Variants in RAD51B observed in about 807,000 individuals in gnomAD.
RAD51B encodes the protein DNA repair protein RAD51 homolog 2.
Under a neutral mutation model 42.2 loss-of-function variants are expected in RAD51B, and 38 were observed. The observed-to-expected ratio is 0.90, with a 90% CI of 0.70 to 1.18. The LOEUF (loss-of-function observed/expected upper bound fraction) is 1.18. Ranked by LOEUF, RAD51B falls within the 50% of genes most tolerant of loss-of-function variation. RAD51B has a pLI of 0.00. For missense variants in RAD51B, 373 were observed against 400.7 expected (o/e 0.93, Z 0.59); for synonymous variants, 154 against 145.2 (o/e 1.06, Z -0.43).
intron 10 of RAD51B, among the ~76,000 whole-genome samples, chr14:68,472,614 A>G (rs1225271068): frequency 6.6e-6 from 1 of 152,210 alleles, no homozygotes; most frequent in Admixed American, 6.5e-5. Context: ...GTAAGACAGA[A>G]GTGTGTTTTT....
chr14:67,848,521 G>T (rs193037467), intron 4 of RAD51B, among the ~76,000 whole-genome samples: 5 of 152,152 alleles, frequency 3.3e-5, no homozygotes, highest in African/African-American at 7.2e-5. Flanking sequence ...GTTGAGTCTT[G>T]TCTTTTTTTT....
intron 11 of RAD51B, among the ~76,000 whole-genome samples, chr14:68,681,002 A>G (rs2140163871): frequency 6.6e-6 from 1 of 152,260 alleles, no homozygotes; most frequent in African/African-American, 2.4e-5. Flanking sequence ...TGGTCAGCCC[A>G]GGAGAGGCTA....
At chr14:68,158,767 G>A (rs1013177637) in intron 7 of RAD51B, among the ~76,000 whole-genome samples, 11 of 152,078 alleles carry the variant, frequency 7.2e-5, no homozygotes, top group Admixed American at 2.0e-4. Flanking sequence ...CATTTGATCC[G>A]GCCTGAATAA....
chr14:67,938,032 G>A (rs943258451), intron 7 of RAD51B, among the ~76,000 whole-genome samples: 3 of 152,150 alleles, frequency 2.0e-5, no homozygotes, highest in Non-Finnish European at 4.4e-5. Context: ...AGGCTTTTCA[G>A]CTGGATTATG....
intron 10 of RAD51B, among the ~76,000 whole-genome samples, chr14:68,556,660 T>A (rs1362288972): frequency 6.6e-6 from 1 of 152,202 alleles, no homozygotes; most frequent in Admixed American, 6.5e-5. Context: ...AACCCCTGCA[T>A]GGCCTCTCAG....
chr14:68,442,709 G>A (rs111696308), intron 9 of RAD51B, among the ~76,000 whole-genome samples: 16 of 152,004 alleles, frequency 1.1e-4, no homozygotes, highest in African/African-American at 3.9e-4. Flanking sequence ...AAAGTGCTGG[G>A]ATTACAGGCA....
chr14:68,177,211 TC>T (rs1230016015), intron 7 of RAD51B, among the ~76,000 whole-genome samples: 1 of 152,230 alleles, frequency 6.6e-6, no homozygotes, highest in Non-Finnish European at 1.5e-5. Flanking sequence ...AGTGATGTTT[TC>T]CTCTAAAACT....
intron 11 of RAD51B, among the ~76,000 whole-genome samples, chr14:68,657,354 A>AT (rs1381060415): frequency 6.6e-6 from 1 of 152,124 alleles, no homozygotes; most frequent in Non-Finnish European, 1.5e-5. Flanking sequence ...ATTTAACAAA[A>AT]TTTTTTTGTA....
chr14:68,566,876 T>A (rs1194087878), intron 10 of RAD51B, among the ~76,000 whole-genome samples: 1 of 152,178 alleles, frequency 6.6e-6, no homozygotes, highest in African/African-American at 2.4e-5. Context: ...TACTCTTCAA[T>A]GCATTCTCTC....
chr14:68,662,850 T>A (rs1892960777), intron 11 of RAD51B, among the ~76,000 whole-genome samples: 1 of 152,202 alleles, frequency 6.6e-6, no homozygotes, highest in Non-Finnish European at 1.5e-5. Context: ...ACGTGTTAAT[T>A]CATTATGCTG....
intron 5 of RAD51B, among the ~76,000 whole-genome samples, chr14:67,868,494 C>A (rs904859965): frequency 1.7e-4 from 26 of 152,374 alleles, no homozygotes; most frequent in African/African-American, 6.0e-4. Context: ...TGCAAGGCGG[C>A]AGCGAGGCTC....
intron 7 of RAD51B, among the ~76,000 whole-genome samples, chr14:67,931,231 AT>A (rs2044721834): frequency 6.6e-6 from 1 of 151,978 alleles, no homozygotes; most frequent in Admixed American, 6.5e-5. Context: ...TGGCTGGGTT[AT>A]TTCAAAAGGC....
At chr14:68,161,696 G>A (rs2588821) in intron 7 of RAD51B, among the ~76,000 whole-genome samples, 120,468 of 152,172 alleles carry the variant, frequency 0.79, 48,227 homozygotes, top group East Asian at 0.98. Flanking sequence ...GAATTTTCAC[G>A]AGGCTGCATA....
At chr14:68,578,899 G>A (rs1176147246) in intron 10 of RAD51B, among the ~76,000 whole-genome samples, 1 of 152,192 alleles carries the variant, frequency 6.6e-6, no homozygotes, top group Admixed American at 6.5e-5. Flanking sequence ...GGTTCAGGGG[G>A]CTGGGTCATA....
intron 10 of RAD51B, among the ~76,000 whole-genome samples, chr14:68,610,725 G>A (rs55990521): frequency 0.11 from 17,220 of 151,998 alleles, 1,160 homozygotes; most frequent in East Asian, 0.21. Context: ...CCACCCATCA[G>A]CACCTTATTC....
In RAD51B at chr14:68,291,947, G is replaced by A. The variant is rs747430756; in HGVS notation, c.820G>A (p.Val274Met). 3.1e-6 allele frequency: 5 copies of A among 1,613,668 alleles called. No individual in the cohort carries two copies. Among genetic ancestry groups the A allele is most frequent in the African/African-American group, 2.7e-5 (2 of 74,888 alleles). The change falls in exon 8 of 11, where the codon GTG becomes ATG. Residue 274 changes from valine (V) to methionine (M), a missense_variant. Physicochemically the swap from Val to Met is conservative, Grantham distance 21. Transcript: ENST00000471583. ...AGCCCTGGCTTCTCAGGCAGACCTG[G>A]TGTCTCCAGCTGATGATTTGTCCCT... is the stretch of plus-strand genomic sequence containing the variant. ...SGALASQADLVSPADDLSLSE... is the reference protein window; with the variant it reads ...SGALASQADLMSPADDLSLSE...
intron 7 of RAD51B, among the ~76,000 whole-genome samples, chr14:67,912,808 T>A (rs561798449): frequency 6.6e-6 from 1 of 151,556 alleles, no homozygotes; most frequent in South Asian, 2.1e-4. Context: ...CAGGTTCAAG[T>A]GATTCTCCTG....
In RAD51B at chr14:68,565,234, G is replaced by T. The variant is rs1173486596; in HGVS notation, c.1037-29251G>T. Among the ~76,000 whole-genome samples the T allele has an allele frequency of 2.6e-5, 4 of 152,200 alleles. No homozygotes were observed. The highest frequency in any genetic ancestry group is 9.7e-5 in the African/African-American group (4 of 41,448). ...AGTGCCTTTGAAGTCAGCAGCAACCGCAGCAGGCTCAGCTGTGAGGGTGTG... is the reference window on the plus strand; with the variant it reads ...AGTGCCTTTGAAGTCAGCAGCAACCTCAGCAGGCTCAGCTGTGAGGGTGTG... On this transcript the variant is annotated intron_variant, in intron 10 of 10. Transcript: ENST00000487270. The surrounding 1 kb of genome is among the most constrained non-coding windows in gnomAD (Gnocchi z 4.1).
At chr14:68,137,861 G>C (rs1372100177) in intron 7 of RAD51B, among the ~76,000 whole-genome samples, 1 of 152,204 alleles carries the variant, frequency 6.6e-6, no homozygotes, top group Non-Finnish European at 1.5e-5. Flanking sequence ...GAAGGAATGT[G>C]TATTCACAGA....
Sources: gnomAD v4.1 joint callset for allele counts (sites outside exome capture counted in the v4.1 genomes callset) on GRCh38, gnomAD v4.1.1 for gene constraint, Gnocchi (gnomAD v3.1) non-coding constraint, MANE v1.5 for transcripts, NCBI Gene and HGNC (gene_info 2026-07-23, HGNC 2026-07-21) for gene names.